The following OPHN1 variants were observed in gnomAD, a reference collection of about 807,000 sequenced individuals.
The protein encoded by OPHN1 is oligophrenin 1, also known as oligophrenin-1.
In OPHN1, 11 loss-of-function variants were observed where a neutral mutation model predicts 60.7. That is an observed-to-expected ratio of 0.18 (90% CI 0.11 to 0.30). The LOEUF (loss-of-function observed/expected upper bound fraction) is 0.30. Ranked by LOEUF, OPHN1 falls within the 10% of genes least tolerant of loss-of-function variation. OPHN1 has a pLI of 1.00. For synonymous variants in OPHN1, 226 were observed against 222.6 expected (o/e 1.02, Z -0.14); for missense variants, 449 against 611.0 (o/e 0.73, Z 2.80).
At chrX:68,245,740 T>C (rs1376871080) in intron 5 of OPHN1, among the ~76,000 whole-genome samples, 1 of 112,706 alleles carries the variant, frequency 8.9e-6, no homozygotes, top group Non-Finnish European at 1.9e-5. Flanking sequence ...ACACCCTCCA[T>C]TGATAGTCAT....
intron 15 of OPHN1, among the ~76,000 whole-genome samples, chrX:68,176,066 TA>T (rs1239558122): frequency 6.3e-5 from 7 of 111,844 alleles, no homozygotes; most frequent in Non-Finnish European, 1.3e-4. Context: ...TATCAAAAAT[TA>T]ACTGTAAATG....
At position 68,399,371 on chromosome X, in the gene OPHN1, G is replaced by C. The variant is rs191524598; in HGVS notation, c.154+33496C>G. Among the ~76,000 whole-genome samples the C allele has an allele frequency of 1.4e-3, 161 of 111,385 alleles. 1 individual carries two copies. Among genetic ancestry groups the C allele is most frequent in the African/African-American group, 4.9e-3 (150 of 30,757 alleles). On this transcript the variant is annotated intron_variant, in intron 2 of 24. Transcript: ENST00000355520. Reference sequence around the variant, plus strand: ...TCTTCCTATTTAAAACCATCTGAGGGGCTGGACAGTAGCTCATGCCTGTAA... The same window carrying C: ...TCTTCCTATTTAAAACCATCTGAGGCGCTGGACAGTAGCTCATGCCTGTAA...
chrX:68,410,637 G>A (rs1569306356), intron 2 of OPHN1, among the ~76,000 whole-genome samples: 1 of 110,323 alleles, frequency 9.1e-6, no homozygotes, highest in African/African-American at 3.3e-5. Flanking sequence ...ATAATAACAG[G>A]GGCCTCATTA....
At chrX:68,079,982 G>T (rs1006400140) in intron 19 of OPHN1, among the ~76,000 whole-genome samples, 33 of 111,225 alleles carry the variant, frequency 3.0e-4, no homozygotes, top group African/African-American at 1.0e-3. Context: ...GTCTCTCTAT[G>T]ATTATAATAG....
At chrX:68,067,832 G>A (rs1371829494) in intron 20 of OPHN1, among the ~76,000 whole-genome samples, 2 of 111,813 alleles carry the variant, frequency 1.8e-5, no homozygotes, top group South Asian at 3.8e-4. Flanking sequence ...GATGCTACTG[G>A]TGAGCAGGAT....
In OPHN1 at chrX:68,431,752, C is replaced by T. The variant is rs927144015; in HGVS notation, c.154+1115G>A. Among the ~76,000 whole-genome samples the T allele has an allele frequency of 6.3e-5, 7 of 111,295 alleles. No individual in the cohort carries two copies. In the Admixed American group the frequency reaches 6.7e-4, roughly 11 times the overall value. On this transcript the variant is annotated intron_variant, in intron 2 of 24. Transcript: ENST00000355520. ...CTCGCACTACCACTTTCAAATCTTTCTTTCTCCCTGCTCTTGGTTGACTGC... is the reference window on the plus strand; with the variant it reads ...CTCGCACTACCACTTTCAAATCTTTTTTTCTCCCTGCTCTTGGTTGACTGC...
At chrX:68,133,328 G>A (rs2077205804) in intron 15 of OPHN1, 1 of 635,169 alleles carries the variant, frequency 1.6e-6, no homozygotes, top group Non-Finnish European at 2.6e-6. Flanking sequence ...GGAGGAGTAT[G>A]AGCAAATCCT....
chrX:68,425,807 G>T (rs2078851642), intron 2 of OPHN1, among the ~76,000 whole-genome samples: 1 of 55,557 alleles, frequency 1.8e-5, no homozygotes, highest in Non-Finnish European at 3.9e-5. Context: ...CACCTGGACT[G>T]GATTCTTTTT....
intron 15 of OPHN1, among the ~76,000 whole-genome samples, chrX:68,177,861 G>A (rs184332523): frequency 1.2e-3 from 133 of 111,884 alleles, no homozygotes; most frequent in African/African-American, 4.2e-3. Flanking sequence ...TGGAGATTAC[G>A]ATTCAACATG....
At chrX:68,060,104 C>T (rs1265194386) in intron 21 of OPHN1, among the ~76,000 whole-genome samples, 1 of 111,447 alleles carries the variant, frequency 9.0e-6, no homozygotes, top group Non-Finnish European at 1.9e-5. Context: ...AAAGGAAAGT[C>T]CTAAATCCCT....
chrX:68,058,317 G>A (rs144540259), intron 21 of OPHN1, among the ~76,000 whole-genome samples: 5,237 of 109,835 alleles, frequency 0.048, 143 homozygotes, highest in Non-Finnish European at 0.076. Context: ...CTGCCCTCTA[G>A]GAGCTCAAAA....
chrX:68,218,311 C>A (rs1223955493), intron 6 of OPHN1, among the ~76,000 whole-genome samples: 1 of 106,787 alleles, frequency 9.4e-6, no homozygotes, highest in Admixed American at 1.0e-4. Context: ...GATTGGTGTA[C>A]CTGAAAGGGA....
chrX:68,356,420 T>A (rs1272318109), intron 2 of OPHN1, among the ~76,000 whole-genome samples: 5 of 107,287 alleles, frequency 4.7e-5, no homozygotes, highest in Admixed American at 2.0e-4. Flanking sequence ...CTTAAAATAT[T>A]TTTTTTTTTT....
At chrX:68,168,145 A>C (rs1052554822) in intron 15 of OPHN1, among the ~76,000 whole-genome samples, 9 of 110,833 alleles carry the variant, frequency 8.1e-5, no homozygotes, top group Admixed American at 2.9e-4. Context: ...GCTCTGCACC[A>C]AACGGACCTA....
chrX:68,415,329 C>G (rs888472798), intron 2 of OPHN1, among the ~76,000 whole-genome samples: 1 of 111,778 alleles, frequency 8.9e-6, no homozygotes, highest in African/African-American at 3.2e-5. Flanking sequence ...AATAATCATC[C>G]TGAAATAACA....
intron 15 of OPHN1, among the ~76,000 whole-genome samples, chrX:68,178,987 A>T (rs1320074400): frequency 8.9e-6 from 1 of 111,985 alleles, no homozygotes; most frequent in Non-Finnish European, 1.9e-5. Flanking sequence ...ATCCCAATTC[A>T]AAAAGTGGCT....
chrX:68,109,698 G>T (rs1030036260), intron 18 of OPHN1, among the ~76,000 whole-genome samples: 1 of 111,306 alleles, frequency 9.0e-6, no homozygotes, highest in Admixed American at 9.6e-5. Flanking sequence ...CAAAAGAAAA[G>T]CTAGCATATT....
chrX:68,069,102 C>G (rs1569202238), intron 20 of OPHN1, among the ~76,000 whole-genome samples: 1 of 111,914 alleles, frequency 8.9e-6, no homozygotes, highest in Non-Finnish European at 1.9e-5. Flanking sequence ...AATGTCTAGA[C>G]TGGGTAACCT....
intron 15 of OPHN1, among the ~76,000 whole-genome samples, chrX:68,170,188 C>T (rs1386143923): frequency 9.4e-5 from 10 of 106,390 alleles, no homozygotes; most frequent in African/African-American, 2.1e-4. Flanking sequence ...AAAATGCTCA[C>T]CATCACTGGC....
Sources: allele counts gnomAD v4.1 joint callset (sites outside exome capture counted in the v4.1 genomes callset), GRCh38; gene constraint gnomAD v4.1.1; transcripts MANE v1.5; gene names NCBI Gene and HGNC (gene_info 2026-07-23, HGNC 2026-07-21).